Variants in SRGAP1 observed in about 807,000 individuals in gnomAD.
SRGAP1 encodes SLIT-ROBO Rho GTPase activating protein 1.
Under a neutral mutation model 121.9 loss-of-function variants are expected in SRGAP1, and 43 were observed. The observed-to-expected ratio is 0.35, with a 90% CI of 0.28 to 0.46. The LOEUF (loss-of-function observed/expected upper bound fraction) is 0.46, where lower values mean the gene tolerates loss of function less well. Among genes scored for constraint, SRGAP1 ranks in the 20% least tolerant of loss-of-function variants. The pLI is 1.00. For synonymous variants in SRGAP1, 447 were observed against 485.4 expected, an observed-to-expected ratio of 0.92 and a Z score of 1.04; for missense variants, 1,102 against 1,350.9, an observed-to-expected ratio of 0.82 and a Z score of 2.89.
rs75344566 is a variant in SRGAP1, at chr12:63,925,825, A to G, written c.68-58122A>G. Among the ~76,000 whole-genome samples the G allele has an allele frequency of 1.9e-3, 282 of 152,268 alleles. 1 individual carries two copies. Among genetic ancestry groups the G allele is most frequent in the African/African-American group, 6.0e-3 (249 of 41,572 alleles). On this transcript the variant is annotated intron_variant, in intron 1 of 21. Transcript: ENST00000355086. ...TATACCGGGAAGCTGTAGGTTTCCT[A>G]TGTCTGACCCCACTTTCCCCTAACC...
intron 1 of SRGAP1, among the ~76,000 whole-genome samples, chr12:63,851,677 A>G (rs533785791): frequency 1.4e-5 from 2 of 147,672 alleles, no homozygotes; most frequent in African/African-American, 5.0e-5. Context: ...TGATCCTCCC[A>G]CATCAGCCTC....
chr12:63,915,678 T>G (rs574585718), intron 1 of SRGAP1, among the ~76,000 whole-genome samples: 1 of 152,246 alleles, frequency 6.6e-6, no homozygotes, highest in South Asian at 2.1e-4. Flanking sequence ...CCAGAGAAAT[T>G]CCTTATTGAT....
intron 4 of SRGAP1, among the ~76,000 whole-genome samples, chr12:64,020,843 C>CAAA (rs34144761): frequency 0.025 from 1,739 of 69,956 alleles, 84 homozygotes; most frequent in African/African-American, 0.089. Flanking sequence ...GACTCCGTCT[C>CAAA]AAAAAAAAAA....
rs1300791401 is a variant in SRGAP1 at position 64,080,227 on chromosome 12, G to A, written c.1324-59G>A. ...CACTGCACTCCAGCCTGGGTGACAA[G>A]AATGAAACTCTGTCTCAAAAAAAAA... is the stretch of plus-strand genomic sequence containing the variant. On this transcript the variant is annotated intron_variant, in intron 9 of 21. Transcript: ENST00000355086. 8 of 1,441,288 alleles carry A rather than the reference G, an allele frequency of 5.6e-6. No individual in the cohort carries two copies. The African/African-American group carries it at 1.0e-4, about 18-fold the overall frequency. 89.3% of individuals were successfully genotyped at this position (1,441,288 alleles called of 1,614,324 possible).
rs529328329 is a variant in SRGAP1, at chr12:64,153,982, C to T, written c.*11310C>T. ...GCCTTAAAAAAGAAGGAATTCCTGTCATATGCCACAATATGGATGAAACTT... is the reference window on the plus strand; with the variant it reads ...GCCTTAAAAAAGAAGGAATTCCTGTTATATGCCACAATATGGATGAAACTT... On this transcript the variant is annotated 3_prime_UTR_variant, in exon 22 of 22. Coordinates refer to ENST00000355086, the MANE Select transcript of SRGAP1 (RefSeq NM_020762.4). The T allele has an allele frequency of 5.3e-5, 8 of 152,284 alleles. No homozygotes were observed. In the East Asian group the frequency reaches 1.5e-3, roughly 29 times the overall value. The allele number at this position is 152,284 out of a possible 1,614,324, so 9.4% of individuals were successfully genotyped here. A position where few individuals can be genotyped will look rare whatever the true frequency, so the allele number is the denominator to read the frequency against.
At chr12:63,855,431 AG>A (rs1256286916) in intron 1 of SRGAP1, among the ~76,000 whole-genome samples, 4 of 150,140 alleles carry the variant, frequency 2.7e-5, no homozygotes, top group African/African-American at 4.9e-5. Context: ...GCATGAAAGA[AG>A]AGATTTTGGT....
intron 1 of SRGAP1, among the ~76,000 whole-genome samples, chr12:63,863,176 T>A (rs1899511505): frequency 6.6e-6 from 1 of 152,174 alleles, no homozygotes; most frequent in Non-Finnish European, 1.5e-5. Flanking sequence ...TGTTAGTTTT[T>A]GTGTCTCTTA....
intron 1 of SRGAP1, among the ~76,000 whole-genome samples, chr12:63,898,299 A>T (rs989282873): frequency 2.6e-5 from 4 of 152,262 alleles, no homozygotes; most frequent in African/African-American, 9.6e-5. Flanking sequence ...TCACAGTTAT[A>T]GAATGTAATA....
At chr12:63,985,948 C>G (rs2033400854) in intron 2 of SRGAP1, among the ~76,000 whole-genome samples, 1 of 152,190 alleles carries the variant, frequency 6.6e-6, no homozygotes, top group South Asian at 2.1e-4. Context: ...TTTCACACCT[C>G]TCCATGACCT....
chr12:63,857,691 A>T (rs534660160), intron 1 of SRGAP1, among the ~76,000 whole-genome samples: 1 of 152,304 alleles, frequency 6.6e-6, no homozygotes, highest in Non-Finnish European at 1.5e-5. Flanking sequence ...GCTGCAGTTT[A>T]CTTTTACATA....
chr12:64,050,722 ATTTG>A (rs1404798717), intron 6 of SRGAP1, among the ~76,000 whole-genome samples: 1 of 151,752 alleles, frequency 6.6e-6, no homozygotes, highest in Non-Finnish European at 1.5e-5. Flanking sequence ...TCTTTTATTT[ATTTG>A]TTTGTTTATT....
rs189859023 is a variant in SRGAP1 at position 64,092,478 on chromosome 12, A to C, written c.1539+1100A>C. Among the ~76,000 whole-genome samples, 72 of 148,488 alleles carry C rather than the reference A, an allele frequency of 4.8e-4. No individual in the cohort carries two copies. In the East Asian group the frequency reaches 0.013, roughly 28 times the overall value. ...AGGACATACATACATATATACATACATACATACATACATACATACATACAT... is the reference window on the plus strand; with the variant it reads ...AGGACATACATACATATATACATACCTACATACATACATACATACATACAT... On this transcript the variant is annotated intron_variant, in intron 12 of 21. Coordinates refer to ENST00000355086, the MANE Select transcript of SRGAP1 (RefSeq NM_020762.4).
intron 1 of SRGAP1, among the ~76,000 whole-genome samples, chr12:63,871,384 C>T (rs68047317): frequency 6.6e-6 from 1 of 152,030 alleles, no homozygotes; most frequent in Non-Finnish European, 1.5e-5. Flanking sequence ...AAAGTGGGAG[C>T]CTGATGAGCC....
In SRGAP1 at chr12:64,115,875, C is replaced by T. The variant is rs938616564; in HGVS notation, c.2206C>T (p.Pro736Ser). ...EEVDQDAGTE[P>S]HTSEDECEPI... is the part of the protein sequence containing the mutation. ...AGTGGACCAAGATGCTGGTACAGAG[C>T]CCCACACAAGTGAAGATGGTATGCT... is the stretch of plus-strand genomic sequence containing the variant. The change falls in exon 18 of 22, where the codon CCC becomes TCC. Residue 736 changes from proline to serine, a missense_variant. Around this residue, in one of 3 missense-constraint regions of SRGAP1, gnomAD observed 747 missense variants for 929.4 expected, o/e 0.80. Coordinates refer to ENST00000355086, the MANE Select transcript of SRGAP1 (RefSeq NM_020762.4). The T allele has an allele frequency of 6.2e-7, 1 of 1,612,874 alleles. No homozygotes were observed. Among genetic ancestry groups the T allele is most frequent in the African/African-American group, 1.3e-5 (1 of 74,998 alleles).
chr12:64,066,660 T>G (rs902684732), intron 8 of SRGAP1, among the ~76,000 whole-genome samples: 4 of 152,182 alleles, frequency 2.6e-5, no homozygotes, highest in African/African-American at 9.7e-5. Flanking sequence ...TGGCTTCTAT[T>G]ATTCCGAGTA....
rs765927192 is a variant in SRGAP1 at position 64,127,576 on chromosome 12, T to G, written c.2406-14T>G. 13 of 1,598,898 alleles carry G rather than the reference T, an allele frequency of 8.1e-6. No individual in the cohort carries two copies. In the South Asian group the frequency reaches 1.1e-4, roughly 14 times the overall value. ...ATCTAGTAAATTTTGTCTCCATTCC[T>G]CTTACTGCTTCAGGGATGATACGTT... On this transcript the variant is annotated splice_polypyrimidine_tract_variant and intron_variant, in intron 19 of 21. Coordinates refer to ENST00000355086, the MANE Select transcript of SRGAP1 (RefSeq NM_020762.4).
intron 1 of SRGAP1, among the ~76,000 whole-genome samples, chr12:63,924,606 T>C (rs956811626): frequency 1.3e-5 from 2 of 152,228 alleles, no homozygotes; most frequent in African/African-American, 4.8e-5. Flanking sequence ...ATGAGCAAAT[T>C]TATACCCTAG....
At chr12:64,084,459 C>T (rs1414077230) in intron 10 of SRGAP1, among the ~76,000 whole-genome samples, 2 of 152,068 alleles carry the variant, frequency 1.3e-5, no homozygotes, top group Non-Finnish European at 2.9e-5. Context: ...GAAGAAGAGT[C>T]TTCTAAGCTT....
chr12:64,092,503 T>TAC (rs1373910958), intron 12 of SRGAP1, among the ~76,000 whole-genome samples: 58 of 141,736 alleles, frequency 4.1e-4, no homozygotes, highest in African/African-American at 1.6e-3. Flanking sequence ...CATACATACA[T>TAC]ATGTACATAG....
Sources: allele counts gnomAD v4.1 joint callset (sites outside exome capture counted in the v4.1 genomes callset), GRCh38; gene constraint gnomAD v4.1.1; regional missense constraint gnomAD v4.1.1; transcripts MANE v1.5; gene names NCBI Gene and HGNC (gene_info 2026-07-23, HGNC 2026-07-21).